C16orf96: variants seen among roughly 807,000 people sequenced by gnomAD.
The protein encoded by C16orf96 is uncharacterized protein C16orf96.
In C16orf96, 108 loss-of-function variants were observed where a neutral mutation model predicts 103.6. That is an observed-to-expected ratio of 1.04 (90% confidence interval 0.89 to 1.22). The LOEUF (loss-of-function observed/expected upper bound fraction) is 1.22, where lower values mean the gene tolerates loss of function less well. Among genes scored for constraint, C16orf96 ranks in the 50% most tolerant of loss-of-function variants. The pLI is 0.00. For missense variants in C16orf96, 1,586 were observed against 1,464.2 expected (o/e 1.08, Z -1.36); for synonymous variants, 566 against 593.5 (o/e 0.95, Z 0.67).
At chr16:4,584,172 G>C (rs1596532216) in intron 7 of C16orf96, among the ~76,000 whole-genome samples, 1 of 152,020 alleles carries the variant, frequency 6.6e-6, no homozygotes, top group East Asian at 1.9e-4. Flanking sequence ...TCTCCACCAT[G>C]TGACTTACAT....
At position 4,556,466 on chromosome 16, in the gene C16orf96, G is replaced by A; in HGVS notation, c.-24G>A. ...GTCCTTGAGGACACCTGGAACCCCA[G>A]CCCCACTGACCCACCCTGGCAGGAT... is the stretch of plus-strand genomic sequence containing the variant. On this transcript the variant is annotated 5_prime_UTR_variant, in exon 1 of 16. Coordinates refer to ENST00000444310, the MANE Select transcript of C16orf96 (RefSeq NM_001145011.2). The A allele has an allele frequency of 6.7e-7, 1 of 1,499,368 alleles. No homozygotes were observed. The highest frequency in any genetic ancestry group is 9.0e-7 in the Non-Finnish European group (1 of 1,117,036). The allele number at this position is 1,499,368 out of a possible 1,614,324, so 92.9% of individuals were successfully genotyped here.
intron 10 of C16orf96, 108 bp from the exon 11 acceptor site, chr16:4,592,197 C>A: frequency 1.5e-6 from 2 of 1,366,276 alleles, no homozygotes; most frequent in Non-Finnish European, 1.0e-6. Flanking sequence ...CTGAGCTGGG[C>A]CGGGCACTGG....
chr16:4,562,797 A>G, intron 1 of C16orf96: 1 of 1,233,528 alleles, frequency 8.1e-7, no homozygotes, highest in Non-Finnish European at 1.2e-6. Context: ...GGTTTTATTT[A>G]TATGGCTCGA....
the C16orf96 span, among the ~76,000 whole-genome samples, chr16:4,546,090 C>T: frequency 6.6e-6 from 1 of 151,546 alleles, no homozygotes; most frequent in Non-Finnish European, 1.5e-5. Flanking sequence ...CCTCATGATC[C>T]GCCCACCCTG....
At chr16:4,549,210 C>T in the C16orf96 span, among the ~76,000 whole-genome samples, 145,291 of 151,784 alleles carry the variant, frequency 0.96, 69,894 homozygotes, top group East Asian at 1. Context: ...CGCGGTGGCT[C>T]ACGCCTGTAA....
intron 1 of C16orf96, among the ~76,000 whole-genome samples, chr16:4,566,135 C>T (rs866601292): frequency 2.0e-5 from 3 of 152,210 alleles, no homozygotes; most frequent in South Asian, 4.1e-4. Context: ...CGTGAGCTAC[C>T]ATGCCTGGCC....
chr16:4,581,821 T>G (rs1474483263), intron 7 of C16orf96, among the ~76,000 whole-genome samples: 1 of 151,810 alleles, frequency 6.6e-6, no homozygotes, highest in East Asian at 1.9e-4. Context: ...CCAAGCGTGG[T>G]AGCACATGCC....
chr16:4,542,721 T>C, the C16orf96 span, among the ~76,000 whole-genome samples: 14 of 151,882 alleles, frequency 9.2e-5, no homozygotes, highest in Non-Finnish European at 4.4e-5. Context: ...TAGCTTCAAC[T>C]GGGAGGCGGA....
intron 1 of C16orf96, among the ~76,000 whole-genome samples, chr16:4,565,674 A>G (rs777506491): frequency 5.9e-5 from 9 of 152,142 alleles, no homozygotes; most frequent in East Asian, 3.9e-4. Flanking sequence ...TTTTTCGTAG[A>G]GACGGGGTTT....
rs541449983 is a variant in C16orf96, at chr16:4,581,183, T to TATAA, written c.2352+1059_2352+1060insTAAA. ...ATATATATATATATATATATATATA[T>TATAA]AATTAGCCAGGCGTAGTGGCACACA... On this transcript the variant is annotated intron_variant, in intron 7 of 15. Coordinates refer to ENST00000444310, the MANE Select transcript of C16orf96 (RefSeq NM_001145011.2). 7.6e-3 allele frequency among the ~76,000 whole-genome samples: 904 copies of TATAA among 118,258 alleles called. 18 individuals carry two copies. The highest frequency in any genetic ancestry group is 0.012 in the Non-Finnish European group (701 of 57,394). The allele number at this position is 118,258 out of a possible 152,430, so 77.6% of individuals were successfully genotyped here.
chr16:4,555,697 T>G (rs1225020766), upstream of C16orf96, among the ~76,000 whole-genome samples: 4 of 148,998 alleles, frequency 2.7e-5, no homozygotes, highest in African/African-American at 1.0e-4. Flanking sequence ...TCTTTTCTTT[T>G]CTTTTTTTTT....
At chr16:4,599,231 A>G in intron 14 of C16orf96, 53 bp from the exon 15 acceptor site, 1 of 1,492,982 alleles carries the variant, frequency 6.7e-7, no homozygotes. Flanking sequence ...TCGGCCTGAC[A>G]CAGGCCCAGG....
At chr16:4,573,354 A>C (rs546510671) in intron 2 of C16orf96, among the ~76,000 whole-genome samples, 41 of 148,450 alleles carry the variant, frequency 2.8e-4, no homozygotes, top group Non-Finnish European at 5.6e-4. Flanking sequence ...CACGAGAATC[A>C]CTTGAACCCA....
At chr16:4,587,965 C>G (rs1896967673) in intron 8 of C16orf96, among the ~76,000 whole-genome samples, 1 of 152,104 alleles carries the variant, frequency 6.6e-6, no homozygotes, top group Admixed American at 6.6e-5. Context: ...TAAAATACAT[C>G]AACTTCCCTG....
intron 1 of C16orf96, among the ~76,000 whole-genome samples, chr16:4,557,158 TG>T (rs2141687320): frequency 6.6e-6 from 1 of 152,210 alleles, no homozygotes; most frequent in South Asian, 2.1e-4. Flanking sequence ...TTAGTAGAGA[TG>T]GGGTTTCACT....
chr16:4,573,475 CGGCAT>C (rs1567444263), intron 2 of C16orf96, among the ~76,000 whole-genome samples: 1 of 134,966 alleles, frequency 7.4e-6, no homozygotes, highest in East Asian at 2.2e-4. Flanking sequence ...GTCGGTGGGG[CGGCAT>C]GGTGGTTCAC....
chr16:4,588,136 C>G (rs1009055047), intron 8 of C16orf96, 31 bp from the exon 9 acceptor site: 1 of 1,541,340 alleles, frequency 6.5e-7, no homozygotes, highest in East Asian at 2.5e-5. Context: ...ATCCCAGCAG[C>G]CATGCCTCCC....
chr16:4,584,873 G>A (rs147147135), intron 7 of C16orf96, among the ~76,000 whole-genome samples: 106 of 152,090 alleles, frequency 7.0e-4, no homozygotes, highest in African/African-American at 2.5e-3. Context: ...GTTTCACCAT[G>A]TTGGCTAGGC....
chr16:4,558,913 CAAA>C (rs771691344), intron 1 of C16orf96, among the ~76,000 whole-genome samples: 2 of 51,372 alleles, frequency 3.9e-5, no homozygotes, highest in East Asian at 7.8e-4. Context: ...GACTCTGTCT[CAAA>C]AAAAAAAAAA....
Sources: allele counts gnomAD v4.1 joint callset (sites outside exome capture counted in the v4.1 genomes callset), GRCh38; gene constraint gnomAD v4.1.1; transcripts MANE v1.5; gene names NCBI Gene and HGNC (gene_info 2026-07-23, HGNC 2026-07-21).